The following LEKR1 variants were observed in gnomAD, a reference collection of about 807,000 sequenced individuals.
The protein encoded by LEKR1 is leucine, glutamate and lysine rich 1.
In LEKR1, 59 loss-of-function variants were observed where a neutral mutation model predicts 72.4. That is an observed-to-expected ratio of 0.82 (90% CI 0.66 to 1.01). LEKR1 has a LOEUF of 1.01. LEKR1 is among the 50% of genes least tolerant of loss of function. The probability of loss-of-function intolerance (pLI) is 0.00; values close to 1 mark genes in which losing one functional copy is unlikely to be tolerated. For missense variants in LEKR1, 728 were observed against 759.2 expected (o/e 0.96, Z 0.48); for synonymous variants, 257 against 263.2 (o/e 0.98, Z 0.23).
intron 3 of LEKR1, among the ~76,000 whole-genome samples, chr3:156,882,378 G>C (rs1271247416): frequency 6.6e-6 from 1 of 152,064 alleles, no homozygotes; most frequent in Admixed American, 6.6e-5. Flanking sequence ...AGACATTTAT[G>C]CAGCCAAAAG....
At chr3:157,024,200 A>G (rs925239032) in intron 10 of LEKR1, among the ~76,000 whole-genome samples, 12 of 152,218 alleles carry the variant, frequency 7.9e-5, no homozygotes, top group African/African-American at 2.2e-4. Flanking sequence ...TCGAAAAATC[A>G]TAAGTCGAAC....
intron 9 of LEKR1, among the ~76,000 whole-genome samples, chr3:157,007,127 G>A (rs552953008): frequency 2.6e-5 from 4 of 152,230 alleles, no homozygotes; most frequent in South Asian, 2.1e-4. Context: ...GCGTGAACCC[G>A]GGAGGCGGAG....
At chr3:157,032,286 A>G (rs1182709629) in intron 12 of LEKR1, among the ~76,000 whole-genome samples, 1 of 152,220 alleles carries the variant, frequency 6.6e-6, no homozygotes, top group Non-Finnish European at 1.5e-5. Flanking sequence ...CAGCTCACAT[A>G]CAATCACCGA....
intron 7 of LEKR1, among the ~76,000 whole-genome samples, chr3:156,986,644 G>A (rs1448659227): frequency 6.6e-6 from 1 of 152,206 alleles, no homozygotes; most frequent in African/African-American, 2.4e-5. Context: ...GATCCAGACT[G>A]CTGGGGTTCA....
chr3:156,966,502 G>A (rs1728611789), intron 6 of LEKR1, among the ~76,000 whole-genome samples: 2 of 152,320 alleles, frequency 1.3e-5, no homozygotes, highest in South Asian at 4.1e-4. Flanking sequence ...GGCGTGGAGG[G>A]TCCTGCGCCC....
intron 3 of LEKR1, among the ~76,000 whole-genome samples, chr3:156,903,121 G>A (rs367872862): frequency 5.8e-4 from 88 of 152,090 alleles, no homozygotes; most frequent in African/African-American, 2.1e-3. Context: ...TAGATTCCCA[G>A]GAGTAGAATT....
chr3:156,999,230 G>A (rs184018255), intron 9 of LEKR1, among the ~76,000 whole-genome samples: 29 of 152,216 alleles, frequency 1.9e-4, no homozygotes, highest in African/African-American at 6.5e-4. Flanking sequence ...CTTTATAGCA[G>A]CATGAGAACA....
At chr3:157,018,771 C>G (rs996883949) in intron 10 of LEKR1, among the ~76,000 whole-genome samples, 3 of 152,120 alleles carry the variant, frequency 2.0e-5, no homozygotes, top group African/African-American at 4.8e-5. Flanking sequence ...GGGAGTAATA[C>G]TTCTATTATT....
At chr3:156,949,474 T>A (rs1576882778) in intron 6 of LEKR1, among the ~76,000 whole-genome samples, 1 of 151,680 alleles carries the variant, frequency 6.6e-6, no homozygotes, top group Admixed American at 6.6e-5. Context: ...TTGTTGTAGG[T>A]TTGCGTTTTT....
At chr3:156,972,831 A>G (rs1729357191) in intron 6 of LEKR1, among the ~76,000 whole-genome samples, 2 of 151,818 alleles carry the variant, frequency 1.3e-5, no homozygotes, top group Admixed American at 1.3e-4. Context: ...TGTTAGTTTA[A>G]ATGAGTTATT....
At chr3:156,948,433 A>G (rs1411752083) in intron 6 of LEKR1, among the ~76,000 whole-genome samples, 1 of 151,158 alleles carries the variant, frequency 6.6e-6, no homozygotes, top group Admixed American at 6.6e-5. Context: ...CAACTTCCCA[A>G]AAGAGTTCAT....
chr3:156,835,615 C>T (rs1416310462), intron 2 of LEKR1, among the ~76,000 whole-genome samples: 6 of 152,154 alleles, frequency 3.9e-5, no homozygotes, highest in Non-Finnish European at 5.9e-5. Context: ...CCATACTTTC[C>T]GGGTCCCCAA....
chr3:156,962,739 C>A (rs776039185), intron 6 of LEKR1, among the ~76,000 whole-genome samples: 1 of 152,030 alleles, frequency 6.6e-6, no homozygotes, highest in South Asian at 2.1e-4. Context: ...TAGGCATCTA[C>A]TCCTTATAAT....
intron 3 of LEKR1, among the ~76,000 whole-genome samples, chr3:156,884,637 T>C (rs1336061508): frequency 6.6e-6 from 1 of 152,230 alleles, no homozygotes; most frequent in Non-Finnish European, 1.5e-5. Flanking sequence ...AGGTTTCTGC[T>C]TAGAAGTCTG....
intron 7 of LEKR1, chr3:156,980,131 AAGT>A (rs1205794958): frequency 6.6e-6 from 1 of 152,204 alleles, no homozygotes; most frequent in Admixed American, 6.5e-5. Context: ...TTTGAAAAGT[AAGT>A]AGATTCTTTT....
chr3:156,861,022 A>G (rs1470474719), intron 3 of LEKR1, among the ~76,000 whole-genome samples: 2 of 152,138 alleles, frequency 1.3e-5, no homozygotes, highest in African/African-American at 2.4e-5. Context: ...CTTATGTGCT[A>G]TTGGTCATGA....
At chr3:156,832,721 A>G (rs1044976456) in intron 2 of LEKR1, among the ~76,000 whole-genome samples, 1 of 152,156 alleles carries the variant, frequency 6.6e-6, no homozygotes, top group Non-Finnish European at 1.5e-5. Flanking sequence ...TCTGTCAGAA[A>G]GTGACATTCT....
intron 9 of LEKR1, among the ~76,000 whole-genome samples, chr3:156,998,959 G>T (rs1474403616): frequency 1.3e-5 from 2 of 152,138 alleles, no homozygotes; most frequent in Non-Finnish European, 2.9e-5. Context: ...GGGACCCAGT[G>T]GTGGTGATTG....
At chr3:156,991,332 A>G (rs1731130958) in intron 7 of LEKR1, among the ~76,000 whole-genome samples, 1 of 151,976 alleles carries the variant, frequency 6.6e-6, no homozygotes, top group African/African-American at 2.4e-5. Context: ...TAATTGTTTT[A>G]TGCTCTTTTC....
Sources: gnomAD v4.1 joint callset for allele counts (sites outside exome capture counted in the v4.1 genomes callset) on GRCh38, gnomAD v4.1.1 for gene constraint, MANE v1.5 for transcripts, NCBI Gene and HGNC (gene_info 2026-07-23, HGNC 2026-07-21) for gene names.